The following TARBP1 variants were observed in gnomAD, a reference collection of about 807,000 sequenced individuals.
TARBP1 encodes tRNA guanosine 2 -O-methyltransferase TARBP1, also known as tRNA (guanosine(18)-2'-O)-methyltransferase TARBP1.
In TARBP1, 144 loss-of-function variants were observed where a neutral mutation model predicts 178.6. That is an observed-to-expected ratio of 0.81 (90% CI 0.70 to 0.93). TARBP1 has a LOEUF of 0.93. Ranked by LOEUF, TARBP1 falls within the 40% of genes least tolerant of loss-of-function variation. TARBP1 has a pLI of 0.00. For synonymous variants in TARBP1, 787 were observed against 781.0 expected, an observed-to-expected ratio of 1.01 and a Z score of -0.13; for missense variants, 2,067 against 2,011.7, an observed-to-expected ratio of 1.03 and a Z score of -0.53.
intron 13 of TARBP1, 126 bp from the exon 14 acceptor site, chr1:234,433,697 C>T (rs556218729): frequency 1.1e-6 from 1 of 912,114 alleles, no homozygotes; most frequent in South Asian, 1.8e-5. Context: ...AAAATAAGTT[C>T]TTTTCTCCAA....
Position 234,463,946 on chromosome 1 carries a change from G to T in TARBP1, c.1302-12C>A. On this transcript the variant is annotated splice_polypyrimidine_tract_variant and intron_variant, in intron 5 of 29. Coordinates refer to ENST00000040877, the MANE Select transcript of TARBP1 (RefSeq NM_005646.4). ...GCTGGCCTGGGGACCTACAAACAGA[G>T]AGTGGGGAAAACAAATATTTAACAT... 6.6e-7 allele frequency: 1 copy of T among 1,526,502 alleles called. No homozygotes were observed. The highest frequency in any genetic ancestry group is 8.8e-7 in the Non-Finnish European group (1 of 1,131,588). 94.6% of individuals were successfully genotyped at this position (1,526,502 alleles called of 1,614,324 possible).
rs1459961781 is a variant in TARBP1, at chr1:234,479,119, G to A, written c.-16C>T. On this transcript the variant is annotated 5_prime_UTR_variant, in exon 1 of 30. Transcript: ENST00000040877. ...CCCACTCCATTTGCCGAGCGCCCGC[G>A]CCACCGGCCCGGGCTCCCAAAGGAA... The A allele has an allele frequency of 6.6e-7, 1 of 1,520,970 alleles. No individual in the cohort carries two copies. The highest frequency in any genetic ancestry group is 2.1e-5 in the Admixed American group (1 of 47,070). The allele number at this position is 1,520,970 out of a possible 1,614,324, so 94.2% of individuals were successfully genotyped here.
At position 234,405,901 on chromosome 1, in the gene TARBP1, A is replaced by C. The variant is rs978894621; in HGVS notation, c.3989+2T>G. 3.7e-6 allele frequency: 6 copies of C among 1,613,326 alleles called. No homozygotes were observed. The highest frequency in any genetic ancestry group is 5.1e-6 in the Non-Finnish European group (6 of 1,179,550). Reference sequence around the variant, plus strand: ...GCGATGAGGTTGACGAGGGCTCCTTACCCTGCTCCGTGCATGCTTTCCACT... The same window carrying C: ...GCGATGAGGTTGACGAGGGCTCCTTCCCCTGCTCCGTGCATGCTTTCCACT... On this transcript the variant is annotated splice_donor_variant, in intron 24 of 29. Transcript: ENST00000040877. LOFTEE classifies it high-confidence loss of function.
Position 234,478,414 on chromosome 1 carries a change from C to A in TARBP1, c.690G>T (p.Leu230=). 7.2e-7 allele frequency: 1 copy of A among 1,384,106 alleles called. No individual in the cohort carries two copies. Among genetic ancestry groups the A allele is most frequent in the Non-Finnish European group, 9.4e-7 (1 of 1,064,738 alleles). 85.7% of individuals were successfully genotyped at this position (1,384,106 alleles called of 1,614,324 possible). Residue 230 remains leucine, a synonymous_variant, in exon 1 of 30, where the codon CTG becomes CTT. Transcript: ENST00000040877. ...SLGSGRVEEK[L]LVLSALAEKL... ...TCTCGGCCAGGGCGCTCAGGACCAG[C>A]AGCTTCTCCTCTACGCGGCCGGACC...
chr1:234,391,683 G>A lies in TARBP1; in HGVS notation c.4760C>T (p.Pro1587Leu). Reference sequence around the variant, plus strand: ...CAGGGAGCGGATAATGCCCTGTTGAGGAATTTCCACACAAACGTCCAACTG... The same window carrying A: ...CAGGGAGCGGATAATGCCCTGTTGAAGAATTTCCACACAAACGTCCAACTG... ...IQQLDVCVEI[P>L]QQGIIRSLNV... The change falls in exon 30 of 30, where the codon CCT becomes CTT. Residue 1587 changes from proline to leucine, a missense_variant. Physicochemically the swap from Pro to Leu is moderately conservative, Grantham distance 98 (BLOSUM62 -3). Coordinates refer to ENST00000040877, the MANE Select transcript of TARBP1 (RefSeq NM_005646.4). 6.2e-7 allele frequency: 1 copy of A among 1,613,708 alleles called. No homozygotes were observed. The highest frequency in any genetic ancestry group is 8.5e-7 in the Non-Finnish European group (1 of 1,179,972).
chr1:234,439,906 T>C (rs1257291683), intron 12 of TARBP1, among the ~76,000 whole-genome samples: 1 of 152,152 alleles, frequency 6.6e-6, no homozygotes, highest in African/African-American at 2.4e-5. Flanking sequence ...CTCTTGGATA[T>C]AACTGACATT....
chr1:234,447,798 T>G (rs1666341694), intron 11 of TARBP1, among the ~76,000 whole-genome samples: 1 of 74,792 alleles, frequency 1.3e-5, no homozygotes, highest in African/African-American at 5.1e-5. Flanking sequence ...TTTATTACCG[T>G]TTTTTTAATT....
intron 9 of TARBP1, among the ~76,000 whole-genome samples, chr1:234,453,018 T>C (rs537973748): frequency 6.7e-4 from 102 of 152,010 alleles, no homozygotes; most frequent in South Asian, 1.5e-3. Context: ...GACAAAACTA[T>C]AGAGAGTAAA....
At chr1:234,470,682 C>T (rs1420518605) in intron 3 of TARBP1, among the ~76,000 whole-genome samples, 2 of 149,336 alleles carry the variant, frequency 1.3e-5, no homozygotes, top group East Asian at 4.2e-4. Flanking sequence ...GCAGTGTGAT[C>T]TTGGCTCACT....
chr1:234,452,319 C>T (rs1015752897), intron 9 of TARBP1, among the ~76,000 whole-genome samples: 1 of 152,242 alleles, frequency 6.6e-6, no homozygotes, highest in Non-Finnish European at 1.5e-5. Flanking sequence ...ATTTGCAAAA[C>T]ACATATCTGA....
chr1:234,469,075 TTTAAAAAA>T (rs1445599993), intron 3 of TARBP1, among the ~76,000 whole-genome samples: 9 of 59,646 alleles, frequency 1.5e-4, no homozygotes, highest in African/African-American at 3.0e-4. Flanking sequence ...TTTTTTTTTT[TTTAAAAAA>T]AAAAAAAAGG....
At chr1:234,455,536 G>A (rs1667186093) in intron 9 of TARBP1, among the ~76,000 whole-genome samples, 1 of 152,190 alleles carries the variant, frequency 6.6e-6, no homozygotes, top group Admixed American at 6.5e-5. Flanking sequence ...TTTGCCTACT[G>A]AGATAAAGAA....
chr1:234,402,422 G>C (rs928884559), intron 24 of TARBP1, among the ~76,000 whole-genome samples: 1 of 152,134 alleles, frequency 6.6e-6, no homozygotes, highest in African/African-American at 2.4e-5. Flanking sequence ...AGTTGACTCT[G>C]TCTCACCTTC....
chr1:234,462,622 G>A (rs1459001437), intron 6 of TARBP1, among the ~76,000 whole-genome samples: 2 of 148,242 alleles, frequency 1.3e-5, no homozygotes, highest in African/African-American at 5.0e-5. Context: ...CCGGGAGGCG[G>A]AGGTTGCAGT....
chr1:234,461,213 A>C (rs1168468612), intron 6 of TARBP1, among the ~76,000 whole-genome samples: 1 of 152,192 alleles, frequency 6.6e-6, no homozygotes, highest in African/African-American at 2.4e-5. Flanking sequence ...AAAAAAAGTT[A>C]ATTTAATTCC....
Position 234,425,794 on chromosome 1 carries a change from CTAA to C in TARBP1, c.3324-4_3324-2del. ...CACATAATGGTCTTCTCTCTTAGTACTAAAAAAATTAAATGATAAATTATGTTA... is the reference window on the plus strand; with the variant it reads ...CACATAATGGTCTTCTCTCTTAGTACAAAAATTAAATGATAAATTATGTTA... On this transcript the variant is annotated splice_acceptor_variant and splice_polypyrimidine_tract_variant and intron_variant, in intron 19 of 29. Transcript: ENST00000040877. LOFTEE classifies it high-confidence loss of function. 1 of 1,544,106 alleles carries C rather than the reference CTAA, an allele frequency of 6.5e-7. No individual in the cohort carries two copies. Among genetic ancestry groups the C allele is most frequent in the East Asian group, 2.3e-5 (1 of 44,256 alleles).
rs976924796 is a variant in TARBP1, at chr1:234,443,011, C to A, written c.2134+3792G>T. On this transcript the variant is annotated intron_variant, in intron 12 of 29. Transcript: ENST00000040877. ...CCAGAATAAAAATTATGGTTTGGGG[C>A]TGGGCACAATGGCTCATGCCTGTAA... 4.6e-5 allele frequency among the ~76,000 whole-genome samples: 7 copies of A among 152,220 alleles called. No individual in the cohort carries two copies. In the East Asian group the frequency reaches 9.6e-4, roughly 21 times the overall value.
At chr1:234,420,631 T>C (rs1662976063) in intron 21 of TARBP1, 71 bp downstream of exon 21, 1 of 941,322 alleles carries the variant, frequency 1.1e-6, no homozygotes. Context: ...TAGTATATGA[T>C]AGTTTCTGCA....
chr1:234,437,205 A>G (rs1572322028), intron 13 of TARBP1, 70 bp downstream of exon 13: 2 of 787,264 alleles, frequency 2.5e-6, no homozygotes, highest in East Asian at 5.6e-5. Flanking sequence ...ATACAGTGTC[A>G]GTAATCACTC....
Sources: gnomAD v4.1 joint callset for allele counts (sites outside exome capture counted in the v4.1 genomes callset) on GRCh38, gnomAD v4.1.1 for gene constraint, MANE v1.5 for transcripts, NCBI Gene and HGNC (gene_info 2026-07-23, HGNC 2026-07-21) for gene names.